PARD3B: variants seen among roughly 807,000 people sequenced by gnomAD.
PARD3B encodes par-3 family cell polarity regulator beta, also known as partitioning defective 3 homolog B.
Under a neutral mutation model 130.2 loss-of-function variants are expected in PARD3B, and 103 were observed. The ratio of observed to expected loss-of-function variants is 0.79; its 90% CI spans 0.67 to 0.93. The LOEUF (loss-of-function observed/expected upper bound fraction) is 0.93. PARD3B is among the 40% of genes least tolerant of loss of function. PARD3B has a pLI of 0.00. For missense variants in PARD3B, 1,609 were observed against 1,499.2 expected (o/e 1.07, Z -1.21); for synonymous variants, 583 against 553.2 (o/e 1.05, Z -0.76).
chr2:205,242,188 C>G (rs565597100), intron 15 of PARD3B, among the ~76,000 whole-genome samples: 22 of 152,090 alleles, frequency 1.4e-4, no homozygotes, highest in Non-Finnish European at 2.6e-4. Context: ...AGAGAAAGGC[C>G]TCTAATTTTT....
At chr2:205,324,991 G>A (rs948400651) in intron 18 of PARD3B, among the ~76,000 whole-genome samples, 8 of 152,076 alleles carry the variant, frequency 5.3e-5, no homozygotes, top group South Asian at 2.1e-4. Flanking sequence ...CCATCAATTC[G>A]TTACCAAGTT....
intron 18 of PARD3B, among the ~76,000 whole-genome samples, chr2:205,398,438 G>A (rs533448622): frequency 3.3e-5 from 5 of 152,152 alleles, no homozygotes; most frequent in Admixed American, 3.3e-4. Context: ...AGAGAGAAAA[G>A]GACAAAAAAC....
At chr2:204,752,439 T>C (rs924838877) in intron 2 of PARD3B, among the ~76,000 whole-genome samples, 2 of 152,196 alleles carry the variant, frequency 1.3e-5, no homozygotes, top group African/African-American at 4.8e-5. Context: ...ACACATCTAA[T>C]GAATTCGTAC....
At chr2:204,621,404 G>C (rs1288141072) in intron 1 of PARD3B, among the ~76,000 whole-genome samples, 2 of 151,962 alleles carry the variant, frequency 1.3e-5, no homozygotes, top group Non-Finnish European at 2.9e-5. Context: ...GCTTTAATAA[G>C]TTCTATAAAC....
intron 20 of PARD3B, among the ~76,000 whole-genome samples, chr2:205,465,685 C>T (rs550654629): frequency 1.3e-5 from 2 of 152,182 alleles, no homozygotes; most frequent in Admixed American, 1.3e-4. Context: ...ACTGATAATT[C>T]AAAGCTTTTC....
At chr2:204,860,775 A>G (rs1197582681) in intron 2 of PARD3B, among the ~76,000 whole-genome samples, 2 of 152,160 alleles carry the variant, frequency 1.3e-5, no homozygotes, top group African/African-American at 4.8e-5. Context: ...CTGAAAAGAT[A>G]TCTCTTTGAA....
intron 22 of PARD3B, among the ~76,000 whole-genome samples, chr2:205,561,047 G>A (rs556133690): frequency 1.3e-5 from 2 of 152,286 alleles, no homozygotes; most frequent in African/African-American, 2.4e-5. Context: ...TCACAAGTGC[G>A]CAGGTAACTT....
chr2:205,135,467 A>C (rs894533724), intron 10 of PARD3B, among the ~76,000 whole-genome samples: 6 of 152,194 alleles, frequency 3.9e-5, no homozygotes, highest in African/African-American at 1.2e-4. Flanking sequence ...ACTACAGTCC[A>C]TCTCATTTTG....
At chr2:205,516,706 G>C (rs113149064) in intron 21 of PARD3B, among the ~76,000 whole-genome samples, 2 of 151,998 alleles carry the variant, frequency 1.3e-5, no homozygotes, top group Non-Finnish European at 2.9e-5. Context: ...AAATCATATC[G>C]TCTGCAAACA....
At chr2:204,663,697 T>C (rs1440839530) in intron 1 of PARD3B, among the ~76,000 whole-genome samples, 2 of 152,202 alleles carry the variant, frequency 1.3e-5, no homozygotes, top group Non-Finnish European at 2.9e-5. Context: ...AGGAGAGTGT[T>C]AATATTTACC....
At chr2:204,573,269 T>C (rs1188274617) in intron 1 of PARD3B, among the ~76,000 whole-genome samples, 1 of 152,226 alleles carries the variant, frequency 6.6e-6, no homozygotes. Flanking sequence ...TCCACTAGAA[T>C]GTAAGCAGAT....
intron 18 of PARD3B, among the ~76,000 whole-genome samples, chr2:205,365,026 C>T (rs923986336): frequency 6.6e-6 from 1 of 151,758 alleles, no homozygotes; most frequent in Non-Finnish European, 1.5e-5. Flanking sequence ...ATGGTGAAAC[C>T]CCGTCTCTAC....
Position 205,453,487 on chromosome 2 carries a change from T to C in PARD3B, c.3044+12815T>C, listed in dbSNP as rs185875834. Among the ~76,000 whole-genome samples, 25 of 152,278 alleles carry C rather than the reference T, an allele frequency of 1.6e-4. No individual in the cohort carries two copies. The South Asian group carries it at 1.7e-3, about 10-fold the overall frequency. ...AGTAGGGTTGGCATGTTCAGATGTG[T>C]GCTTTAGAAAGATGACAGAAATCCT... On this transcript the variant is annotated intron_variant, in intron 20 of 22. Transcript: ENST00000406610.
intron 15 of PARD3B, among the ~76,000 whole-genome samples, chr2:205,212,876 G>C (rs1293190574): frequency 6.6e-6 from 1 of 152,178 alleles, no homozygotes; most frequent in Non-Finnish European, 1.5e-5. Context: ...AGATTAAAAA[G>C]AGGAAAAGCA....
At chr2:205,471,426 A>G (rs918639978) in intron 20 of PARD3B, among the ~76,000 whole-genome samples, 4 of 145,098 alleles carry the variant, frequency 2.8e-5, no homozygotes, top group East Asian at 2.0e-4. Flanking sequence ...CAGTGGCGCA[A>G]TCTCGGCTCA....
In PARD3B at chr2:204,965,092, T is replaced by C. The variant is rs146704666; in HGVS notation, c.223-60T>C. ...CAAATAAAGATCACGTTCAGCTAGA[T>C]AGTGTCCGTGTGGTATGCATGTCCT... On this transcript the variant is annotated intron_variant, in intron 2 of 22. Coordinates refer to ENST00000406610, the MANE Select transcript of PARD3B (RefSeq NM_001302769.2). The C allele has an allele frequency of 7.6e-4, 1,154 of 1,511,004 alleles. 7 individuals are homozygous for C. In the Admixed American group the frequency reaches 0.018, roughly 24 times the overall value. The allele number at this position is 1,511,004 out of a possible 1,614,324, so 93.6% of individuals were successfully genotyped here.
chr2:204,840,718 A>G (rs1307584219), intron 2 of PARD3B, among the ~76,000 whole-genome samples: 1 of 152,206 alleles, frequency 6.6e-6, no homozygotes, highest in Admixed American at 6.5e-5. Context: ...CATCTTCTGC[A>G]GTTCAGTTAC....
chr2:205,345,154 G>T (rs142285246), intron 18 of PARD3B, among the ~76,000 whole-genome samples: 1 of 152,074 alleles, frequency 6.6e-6, no homozygotes, highest in Non-Finnish European at 1.5e-5. Context: ...CATACATTTA[G>T]TATACATTTT....
intron 3 of PARD3B, among the ~76,000 whole-genome samples, chr2:205,023,765 A>C (rs1197767223): frequency 6.6e-6 from 1 of 152,114 alleles, no homozygotes. Context: ...TAAAGGATGC[A>C]TGGATGAACT....
Sources: gnomAD v4.1 joint callset for allele counts (sites outside exome capture counted in the v4.1 genomes callset) on GRCh38, gnomAD v4.1.1 for gene constraint, MANE v1.5 for transcripts, NCBI Gene and HGNC (gene_info 2026-07-23, HGNC 2026-07-21) for gene names.